The following LFNG variants were observed in gnomAD, a reference collection of about 807,000 sequenced individuals.
LFNG encodes the protein beta-1,3-N-acetylglucosaminyltransferase lunatic fringe.
LFNG carries 15 observed loss-of-function variants against 32.7 expected under a neutral mutation model. The observed-to-expected ratio is 0.46, with a 90% CI of 0.31 to 0.71. The LOEUF (loss-of-function observed/expected upper bound fraction) is 0.71, where lower values mean the gene tolerates loss of function less well. LFNG is among the 30% of genes least tolerant of loss of function. The pLI is 0.06. For missense variants in LFNG, 520 were observed against 545.7 expected (o/e 0.95, Z 0.47); for synonymous variants, 274 against 246.8 (o/e 1.11, Z -1.03).
At position 2,519,928 on chromosome 7, in the gene LFNG, G is replaced by T. The variant is rs2128375068; in HGVS notation, c.67G>T (p.Val23Leu). 1.9e-6 allele frequency: 2 copies of T among 1,061,610 alleles called. No homozygotes were observed. The highest frequency in any genetic ancestry group is 7.5e-5 in the East Asian group (1 of 13,368). 65.8% of individuals were successfully genotyped at this position (1,061,610 alleles called of 1,614,324 possible). A position where few individuals can be genotyped will look rare whatever the true frequency, so the allele number is the denominator to read the frequency against. The change falls in exon 1 of 8, where the codon GTG becomes TTG. Residue 23 changes from valine (V) to leucine (L), a missense_variant. Transcript: ENST00000222725. ...GGGCGCGCTGCTCGCCTGCCTGCTG[G>T]TGCTCACCGCCGACCCGCCGCCGCC... ...LAGALLACLL[V>L]LTADPPPPPL...
rs928704528 is a variant in LFNG, at chr7:2,526,630, G to A, written c.988-206G>A. On this transcript the variant is annotated intron_variant, in intron 6 of 7. Coordinates refer to ENST00000222725, the MANE Select transcript of LFNG (RefSeq NM_001040167.2). This position sits in a 1 kb window ranked among gnomAD's most constrained non-coding sequence, Gnocchi z 6.9. ...CTTCACTGTGATGCGCCTACTGTGC[G>A]TATTTTGTCCACGCTGGCAATGCAG... Among the ~76,000 whole-genome samples the A allele has an allele frequency of 2.0e-5, 3 of 152,256 alleles. No homozygotes were observed. The highest frequency in any genetic ancestry group is 1.9e-4 in the East Asian group (1 of 5,176).
chr7:2,528,115 TG>T lies in LFNG; in HGVS notation c.*905del. The stretch of plus-strand genomic sequence containing the variant: ...GTCTTATTTTATCTTATCTTTTCTG[TG>T]GATCAGAAAAAACAGAAGCCAAACT... On this transcript the variant is annotated 3_prime_UTR_variant, in exon 8 of 8. Coordinates refer to ENST00000222725, the MANE Select transcript of LFNG (RefSeq NM_001040167.2). 1.0e-6 allele frequency: 1 copy of T among 985,526 alleles called. No individual in the cohort carries two copies. Among genetic ancestry groups the T allele is most frequent in the Non-Finnish European group, 1.2e-6 (1 of 829,820 alleles). The allele number at this position is 985,526 out of a possible 1,614,324, so 61.0% of individuals were successfully genotyped here.
At chr7:2,514,832 A>ATCCATCCATCCATTCATCTG (rs1779578068), upstream of LFNG, among the ~76,000 whole-genome samples, 1 of 149,944 alleles carries the variant, frequency 6.7e-6, no homozygotes, top group Admixed American at 6.6e-5. Flanking sequence ...CCATCCATCC[A>ATCCATCCATCCATTCATCTG]TCCATCCATC....
At position 2,525,578 on chromosome 7, in the gene LFNG, G is replaced by T. The variant is rs1005533662; in HGVS notation, c.735+11G>T. 9.3e-6 allele frequency: 15 copies of T among 1,612,014 alleles called. No individual in the cohort carries two copies. Among genetic ancestry groups the T allele is most frequent in the Admixed American group, 1.7e-5 (1 of 59,898 alleles). ...AGCGAGAACAAGGTGGTGAGTGCCT[G>T]CCCCTCCCAGTCCCCCACGCCCACG... On this transcript the variant is annotated intron_variant, in intron 4 of 7. Coordinates refer to ENST00000222725, the MANE Select transcript of LFNG (RefSeq NM_001040167.2).
At chr7:2,517,540 C>T, upstream of LFNG, 4 of 400,174 alleles carry the variant, frequency 1.0e-5, no homozygotes, top group East Asian at 2.3e-4. Flanking sequence ...TCAAAGGCAC[C>T]GCAGTCAGGG....
chr7:2,525,343 C>T (rs763256375), intron 3 of LFNG, 25 bp downstream of exon 3: 1 of 1,612,052 alleles, frequency 6.2e-7, no homozygotes. Context: ...GGGGGACCCC[C>T]ATCTCCCTGC....
Position 2,527,535 on chromosome 7 carries a change from A to G in LFNG, c.*323A>G, listed in dbSNP as rs1217470847. On this transcript the variant is annotated 3_prime_UTR_variant, in exon 8 of 8. Coordinates refer to ENST00000222725, the MANE Select transcript of LFNG (RefSeq NM_001040167.2). This position sits in a 1 kb window ranked among gnomAD's most constrained non-coding sequence, Gnocchi z 4.4. ...TCTGTTAGGATTTTTGGATCTTTCT[A>G]CAGCTACGGGGCTCCGGGCTACTTT... is the stretch of plus-strand genomic sequence containing the variant. 1 of 1,296,718 alleles carries G rather than the reference A, an allele frequency of 7.7e-7. No individual in the cohort carries two copies. Among genetic ancestry groups the G allele is most frequent in the East Asian group, 3.7e-5 (1 of 27,318 alleles). The allele number at this position is 1,296,718 out of a possible 1,614,324, so 80.3% of individuals were successfully genotyped here.
chr7:2,517,933 T>C, upstream of LFNG: 1 of 1,149,536 alleles, frequency 8.7e-7, no homozygotes, highest in Non-Finnish European at 1.1e-6. Flanking sequence ...GCGTGGAGAA[T>C]AAGTAAAGCA....
rs1373224271 is a variant in LFNG at position 2,528,313 on chromosome 7, C to G, written c.*1101C>G. 1.0e-6 allele frequency: 1 copy of G among 986,052 alleles called. No homozygotes were observed. The highest frequency in any genetic ancestry group is 1.2e-6 in the Non-Finnish European group (1 of 830,028). The allele number at this position is 986,052 out of a possible 1,614,324, so 61.1% of individuals were successfully genotyped here. A position where few individuals can be genotyped will look rare whatever the true frequency, so the allele number is the denominator to read the frequency against. ...GTGGGCTGTGTTTCTTGTTGTTTTT[C>G]TCTTTGCAAAGACATAGCTAGGAAA... On this transcript the variant is annotated 3_prime_UTR_variant, in exon 8 of 8. Coordinates refer to ENST00000222725, the MANE Select transcript of LFNG (RefSeq NM_001040167.2).
upstream of LFNG, chr7:2,513,108 A>T (rs1293964312): frequency 1.3e-6 from 2 of 1,598,380 alleles, no homozygotes; most frequent in Non-Finnish European, 1.7e-6. Flanking sequence ...TTTGGGCTGG[A>T]CCCATTTTTC....
At chr7:2,522,955 C>G (rs936422241) in intron 1 of LFNG, among the ~76,000 whole-genome samples, 3 of 152,224 alleles carry the variant, frequency 2.0e-5, no homozygotes, top group African/African-American at 7.2e-5. Context: ...CTCCTGGTGG[C>G]TCAGGTGTCG....
At chr7:2,514,840 A>ATCTG (rs1300701597), upstream of LFNG, among the ~76,000 whole-genome samples, 15 of 149,466 alleles carry the variant, frequency 1.0e-4, no homozygotes, top group African/African-American at 3.7e-4. Context: ...CCATCCATCC[A>ATCTG]TCCATCCATC....
In LFNG at chr7:2,527,347, T is replaced by C. The variant is rs1780024392; in HGVS notation, c.*135T>C. Reference sequence around the variant, plus strand: ...GTGCGTGTGCGTGTGCGTGTGTGTGTGTGTGTACTGCATGCCCACCCGGGT... The same window carrying C: ...GTGCGTGTGCGTGTGCGTGTGTGTGCGTGTGTACTGCATGCCCACCCGGGT... On this transcript the variant is annotated 3_prime_UTR_variant, in exon 8 of 8. Transcript: ENST00000222725. This position sits in a 1 kb window ranked among gnomAD's most constrained non-coding sequence, Gnocchi z 4.4. The C allele has an allele frequency of 3.9e-6, 6 of 1,525,872 alleles. No homozygotes were observed. The highest frequency in any genetic ancestry group is 5.3e-6 in the Non-Finnish European group (6 of 1,141,284). 94.5% of individuals were successfully genotyped at this position (1,525,872 alleles called of 1,614,324 possible).
intron 1 of LFNG, chr7:2,512,803 C>T: frequency 1.0e-6 from 1 of 994,224 alleles, no homozygotes; most frequent in Non-Finnish European, 1.6e-6. Flanking sequence ...CCCCTGCATT[C>T]TACACCTAGA....
chr7:2,525,283 C>T lies in LFNG; in HGVS notation c.546C>T (p.Ala182=), dbSNP rs369411514. The T allele has an allele frequency of 3.6e-5, 58 of 1,613,036 alleles. No individual in the cohort carries two copies. Among genetic ancestry groups the T allele is most frequent in the African/African-American group, 1.6e-4 (12 of 75,062 alleles). Residue 182 remains alanine, a synonymous_variant, in exon 3 of 8, where the codon GCC becomes GCT. Transcript: ENST00000222725. ...GCCAGGCGCTGTCCTGCAAGATGGC[C>T]GTGGAGTATGACCGCTTCATCGAGT... ...HSRQALSCKM[A]VEYDRFIESG...
chr7:2,521,397 G>C (rs1779787372), intron 1 of LFNG, among the ~76,000 whole-genome samples: 1 of 152,222 alleles, frequency 6.6e-6, no homozygotes, highest in African/African-American at 2.4e-5. Flanking sequence ...CCCAGCGCCG[G>C]GCGGCTCTCA....
Position 2,527,093 on chromosome 7 carries a change from G to C in LFNG, c.1074-53G>C. On this transcript the variant is annotated intron_variant, in intron 7 of 7. Coordinates refer to ENST00000222725, the MANE Select transcript of LFNG (RefSeq NM_001040167.2). The surrounding 1 kb of genome is among the most constrained non-coding windows in gnomAD (Gnocchi z 4.4). ...CAGTGTTGTGGGACTGCAAATGGGA[G>C]CTCAGCACCTGCCTGCCACCCACGC... 6.4e-7 allele frequency: 1 copy of C among 1,567,884 alleles called. No individual in the cohort carries two copies. The highest frequency in any genetic ancestry group is 8.8e-7 in the Non-Finnish European group (1 of 1,141,280).
Position 2,524,738 on chromosome 7 carries a change from A to T in LFNG, c.476A>T (p.His159Leu), listed in dbSNP as rs150275306. 6.3e-7 allele frequency: 1 copy of T among 1,588,680 alleles called. No homozygotes were observed. Among genetic ancestry groups the T allele is most frequent in the Admixed American group, 1.8e-5 (1 of 56,658 alleles). ...GGGGAAGATGAGGCCCTGGCCAGGC[A>T]CACGGGTGAGCCCTGGACTTGGGGC... ...TDGEDEALAR[H>L]TGNVVITNCS... is the part of the protein sequence containing the mutation. Residue 159 changes from histidine to leucine, a missense_variant, in exon 2 of 8, where the codon CAC becomes CTC. Transcript: ENST00000222725.
chr7:2,520,245 G>A lies in LFNG; in HGVS notation c.384G>A (p.Ala128=), dbSNP rs1222155197. The change falls in exon 1 of 8, where the codon GCG becomes GCA. Residue 128 remains alanine (A), a synonymous_variant. Coordinates refer to ENST00000222725, the MANE Select transcript of LFNG (RefSeq NM_001040167.2). The surrounding 1 kb of genome is among the most constrained non-coding windows in gnomAD (Gnocchi z 5.0). ...AVKTTKKFHR[A]RLDLLLETWI... ...AGACCACCAAAAAGTTCCACCGCGCGCGCCTCGACCTGCTGCTGGAGACCT... is the reference window on the plus strand; with the variant it reads ...AGACCACCAAAAAGTTCCACCGCGCACGCCTCGACCTGCTGCTGGAGACCT... 1.2e-6 allele frequency: 2 copies of A among 1,609,558 alleles called. No homozygotes were observed. Among genetic ancestry groups the A allele is most frequent in the Non-Finnish European group, 1.7e-6 (2 of 1,178,590 alleles).
Sources: gnomAD v4.1 joint callset for allele counts (sites outside exome capture counted in the v4.1 genomes callset) on GRCh38, gnomAD v4.1.1 for gene constraint, Gnocchi (gnomAD v3.1) non-coding constraint, MANE v1.5 for transcripts, NCBI Gene and HGNC (gene_info 2026-07-23, HGNC 2026-07-21) for gene names.